Variants in ITPRID1 observed in about 807,000 individuals in gnomAD.
ITPRID1 encodes protein ITPRID1.
A neutral mutation model predicts 95.4 loss-of-function variants in ITPRID1; 96 were observed. The ratio of observed to expected loss-of-function variants is 1.01; its 90% CI spans 0.85 to 1.19. ITPRID1 has a LOEUF of 1.19. Ranked by LOEUF, ITPRID1 falls within the 50% of genes most tolerant of loss-of-function variation. ITPRID1 has a pLI of 0.00. For synonymous variants in ITPRID1, 510 were observed against 453.6 expected, an observed-to-expected ratio of 1.12 and a Z score of -1.58; for missense variants, 1,339 against 1,252.9, an observed-to-expected ratio of 1.07 and a Z score of -1.04.
chr7:31,521,175 A>G (rs1259197998), intron 1 of ITPRID1, among the ~76,000 whole-genome samples: 1 of 151,848 alleles, frequency 6.6e-6, no homozygotes, highest in Non-Finnish European at 1.5e-5. Flanking sequence ...CTTAGACTGT[A>G]GATCTTTCTT....
chr7:31,531,646 A>C (rs1442723480), intron 1 of ITPRID1, among the ~76,000 whole-genome samples: 1 of 152,210 alleles, frequency 6.6e-6, no homozygotes, highest in East Asian at 1.9e-4. Context: ...GGGTGCTGAC[A>C]GGAGGCCTAC....
intron 1 of ITPRID1, among the ~76,000 whole-genome samples, chr7:31,524,095 T>G (rs556453696): frequency 6.6e-6 from 1 of 152,266 alleles, no homozygotes; most frequent in South Asian, 2.1e-4. Flanking sequence ...GTTGGTAATA[T>G]GACAACTACT....
chr7:31,518,302 A>C (rs922239779), intron 1 of ITPRID1: 4 of 152,216 alleles, frequency 2.6e-5, no homozygotes, highest in African/African-American at 4.8e-5. Context: ...GCCCAGTGAG[A>C]CTAATTTTTA....
intron 12 of ITPRID1, among the ~76,000 whole-genome samples, chr7:31,646,773 A>C (rs572576388): frequency 6.6e-6 from 1 of 152,300 alleles, no homozygotes; most frequent in Admixed American, 6.5e-5. Context: ...GGTAGATTTT[A>C]AACAAGTAGG....
At chr7:31,556,215 G>A (rs576998631) in intron 5 of ITPRID1, among the ~76,000 whole-genome samples, 16 of 152,246 alleles carry the variant, frequency 1.1e-4, no homozygotes, top group Admixed American at 2.0e-4. Context: ...AGACCTGGAG[G>A]AAAATTGGGA....
intron 10 of ITPRID1, among the ~76,000 whole-genome samples, chr7:31,626,952 T>A (rs1402868129): frequency 3.3e-5 from 5 of 152,234 alleles, no homozygotes; most frequent in Non-Finnish European, 7.3e-5. Context: ...GTCACCCAGC[T>A]TGAAGATTAT....
chr7:31,519,578 A>ATCTCTCTCTCTCTCTCTCTC (rs72374972), intron 1 of ITPRID1, among the ~76,000 whole-genome samples: 2 of 37,472 alleles, frequency 5.3e-5, no homozygotes, highest in Non-Finnish European at 1.1e-4. Flanking sequence ...TATTTCTGGT[A>ATCTCTCTCTCTCTCTCTCTC]TCTCTCTCTC....
intron 10 of ITPRID1, among the ~76,000 whole-genome samples, chr7:31,607,225 T>C (rs994061712): frequency 2.6e-5 from 4 of 152,182 alleles, no homozygotes; most frequent in Non-Finnish European, 5.9e-5. Flanking sequence ...ACAGTTGTCA[T>C]TCTAGGATAT....
chr7:31,537,125 G>A (rs1453762416), intron 1 of ITPRID1, among the ~76,000 whole-genome samples: 1 of 150,424 alleles, frequency 6.6e-6, no homozygotes, highest in East Asian at 1.9e-4. Flanking sequence ...GTGTGTGTGT[G>A]TGTGTGTGTT....
chr7:31,552,858 T>G (rs1017561771), intron 2 of ITPRID1, 144 bp from the exon 3 acceptor site: 2 of 817,146 alleles, frequency 2.4e-6, no homozygotes, highest in South Asian at 1.9e-5. Context: ...TTGGCTCAGG[T>G]GGGTGAGCCA....
Position 31,579,086 on chromosome 7 carries a change from C to G in ITPRID1, c.1170+652C>G, listed in dbSNP as rs1003165763. 3.9e-5 allele frequency among the ~76,000 whole-genome samples: 6 copies of G among 152,202 alleles called. No homozygotes were observed. The East Asian group carries it at 1.2e-3, about 29-fold the overall frequency. ...CACATAGCTTGACCTTCATTTCACA[C>G]ATGTTCTTTGCTCCTCCATCCCCAC... On this transcript the variant is annotated intron_variant, in intron 9 of 14. Coordinates refer to ENST00000615280, the MANE Select transcript of ITPRID1 (RefSeq NM_001257967.3).
At chr7:31,639,454 G>A (rs1183449685) in intron 10 of ITPRID1, among the ~76,000 whole-genome samples, 2 of 150,340 alleles carry the variant, frequency 1.3e-5, no homozygotes, top group Non-Finnish European at 3.0e-5. Context: ...TAAATATCTT[G>A]CATATATCCA....
At chr7:31,625,750 T>C (rs1448465039) in intron 10 of ITPRID1, among the ~76,000 whole-genome samples, 4 of 152,068 alleles carry the variant, frequency 2.6e-5, no homozygotes, top group African/African-American at 9.7e-5. Flanking sequence ...TGTGCACATG[T>C]ACCCTAAACT....
At chr7:31,651,048 A>T in intron 12 of ITPRID1, 94 bp from the exon 13 acceptor site, 2 of 1,409,952 alleles carry the variant, frequency 1.4e-6, no homozygotes, top group Non-Finnish European at 9.5e-7. Flanking sequence ...TTGCGAAAAA[A>T]GGGATCCCAA....
intron 10 of ITPRID1, among the ~76,000 whole-genome samples, chr7:31,619,183 G>C (rs976633745): frequency 6.6e-6 from 1 of 152,128 alleles, no homozygotes; most frequent in African/African-American, 2.4e-5. Flanking sequence ...GTAAGTACAG[G>C]CAAGGTGTCC....
At chr7:31,517,017 C>T (rs536748396) in intron 1 of ITPRID1, among the ~76,000 whole-genome samples, 5 of 152,276 alleles carry the variant, frequency 3.3e-5, no homozygotes, top group South Asian at 4.1e-4. Flanking sequence ...AGACCTCTAC[C>T]GTGTTACAGC....
intron 9 of ITPRID1, among the ~76,000 whole-genome samples, chr7:31,582,269 A>G (rs145141018): frequency 1.3e-5 from 2 of 152,362 alleles, no homozygotes; most frequent in African/African-American, 2.4e-5. Context: ...TTTCAAAGAA[A>G]TCTTATTATG....
intron 5 of ITPRID1, 103 bp from the exon 6 acceptor site, chr7:31,569,655 G>T: frequency 1.1e-6 from 1 of 938,678 alleles, no homozygotes; most frequent in Non-Finnish European, 1.6e-6. Context: ...ATATAACCTT[G>T]GATATGGAAA....
chr7:31,528,603 G>A (rs1397542431), intron 1 of ITPRID1, among the ~76,000 whole-genome samples: 3 of 152,142 alleles, frequency 2.0e-5, no homozygotes, highest in South Asian at 2.1e-4. Context: ...CTTAAGAGAC[G>A]AGAGATCTCC....
Sources: gnomAD v4.1 joint callset for allele counts (sites outside exome capture counted in the v4.1 genomes callset) on GRCh38, gnomAD v4.1.1 for gene constraint, MANE v1.5 for transcripts, NCBI Gene and HGNC (gene_info 2026-07-23, HGNC 2026-07-21) for gene names.